TJP2: variants seen among roughly 807,000 people sequenced by gnomAD.
TJP2 encodes the protein Friedreich ataxia region gene X104 (tight junction protein ZO-2).
TJP2 carries 91 observed loss-of-function variants against 133.1 expected under a neutral mutation model. The observed-to-expected ratio is 0.68, with a 90% CI of 0.58 to 0.81. The LOEUF is 0.81. Among genes scored for constraint, TJP2 ranks in the 40% least tolerant of loss-of-function variants. The pLI, the probability that TJP2 is intolerant of heterozygous loss-of-function variation, is 0.00. For missense variants in TJP2, 1,541 were observed against 1,565.6 expected (o/e 0.98, Z 0.26); for synonymous variants, 592 against 583.4 (o/e 1.01, Z -0.21).
At chr9:69,236,302 G>A (rs901106873) in intron 13 of TJP2, 64 bp downstream of exon 13, 39 of 1,536,724 alleles carry the variant, frequency 2.5e-5, no homozygotes, top group South Asian at 7.9e-5. Flanking sequence ...ACTAGAGACC[G>A]CCCCCCTTCC....
In TJP2 at chr9:69,189,844, A is replaced by T. The variant is rs556410466; in HGVS notation, c.60+15412A>T. The stretch of plus-strand genomic sequence containing the variant: ...TCTCCTGGGCCAGGCACGGTGGCTC[A>T]TGCCTGTAATCCCAGCACTTTGGGA... On this transcript the variant is annotated intron_variant, in intron 1 of 22. Coordinates refer to ENST00000377245, the MANE Select transcript of TJP2 (RefSeq NM_004817.4). Among the ~76,000 whole-genome samples, 7 of 111,066 alleles carry T rather than the reference A, an allele frequency of 6.3e-5. 1 individual carries two copies. The highest frequency in any genetic ancestry group is 2.4e-4 in the African/African-American group (7 of 29,700). The allele number at this position is 111,066 out of a possible 152,430, so 72.9% of individuals were successfully genotyped here.
intron 21 of TJP2, among the ~76,000 whole-genome samples, chr9:69,252,021 G>T (rs984028420): frequency 1.3e-5 from 2 of 151,868 alleles, no homozygotes; most frequent in African/African-American, 2.4e-5. Flanking sequence ...TTGAGACAGG[G>T]TCTCCCTCTG....
chr9:69,193,010 G>T (rs1243636271), intron 1 of TJP2, among the ~76,000 whole-genome samples: 2 of 151,106 alleles, frequency 1.3e-5, no homozygotes, highest in Non-Finnish European at 2.9e-5. Context: ...GAGCCTCCTG[G>T]GCTCAAGCTG....
rs1240976570 is a variant in TJP2 at position 69,246,743 on chromosome 9, A to G, written c.2620A>G (p.Thr874Ala). 3 of 1,614,048 alleles carry G rather than the reference A, an allele frequency of 1.9e-6. No individual in the cohort carries two copies. The highest frequency in any genetic ancestry group is 2.2e-5 in the South Asian group (2 of 91,090). ...NDSWFGSLKD[T>A]IQHQQGEAVW... The stretch of plus-strand genomic sequence containing the variant: ...TAGCTGGTTTGGCAGCTTAAAGGAC[A>G]CTATTCAGCATCAGCAAGGAGAAGC... The change falls in exon 18 of 23, where the codon ACT becomes GCT. Residue 874 changes from threonine (T) to alanine (A), a missense_variant. Physicochemically the swap from Thr to Ala is moderately conservative, Grantham distance 58 (BLOSUM62 0). Transcript: ENST00000377245.
At chr9:69,194,812 T>G (rs1490129513) in intron 1 of TJP2, among the ~76,000 whole-genome samples, 1 of 152,154 alleles carries the variant, frequency 6.6e-6, no homozygotes, top group African/African-American at 2.4e-5. Flanking sequence ...GGGCTTGAGA[T>G]TCTGTATTTT....
intron 18 of TJP2, 31 bp from the exon 19 acceptor site, chr9:69,247,981 C>A: frequency 6.4e-7 from 1 of 1,555,164 alleles, no homozygotes; most frequent in Middle Eastern, 1.7e-4. Flanking sequence ...CACATCAGAC[C>A]CCACTGACCG....
chr9:69,218,488 A>G, intron 4 of TJP2, 129 bp downstream of exon 4: 1 of 744,462 alleles, frequency 1.3e-6, no homozygotes. Flanking sequence ...TTGGATCCTC[A>G]GTACTTTTGG....
At chr9:69,203,607 A>ATTT (rs754221310) in intron 1 of TJP2, among the ~76,000 whole-genome samples, 6,059 of 67,562 alleles carry the variant, frequency 0.09, 818 homozygotes, top group Non-Finnish European at 0.12. Context: ...CCCAGCCTGG[A>ATTT]TTTTTTTTTT....
chr9:69,221,658 AT>A (rs1205987545), intron 5 of TJP2, among the ~76,000 whole-genome samples, 162 bp downstream of exon 5: 1 of 145,806 alleles, frequency 6.9e-6, no homozygotes, highest in Non-Finnish European at 1.5e-5. Flanking sequence ...GGTTCAAGTG[AT>A]TCTCCTGCCT....
chr9:69,252,671 C>A (rs1232529349), intron 21 of TJP2, 144 bp from the exon 22 acceptor site: 2 of 774,898 alleles, frequency 2.6e-6, no homozygotes, highest in Non-Finnish European at 4.5e-6. Context: ...AATGAGGAGG[C>A]CGCTTCTGTG....
At chr9:69,222,871 C>G (rs955179139) in intron 5 of TJP2, among the ~76,000 whole-genome samples, 29 of 151,834 alleles carry the variant, frequency 1.9e-4, no homozygotes, top group African/African-American at 7.0e-4. Context: ...GAGTTGGAGA[C>G]CAGCCTGGCC....
intron 1 of TJP2, among the ~76,000 whole-genome samples, chr9:69,127,033 T>C (rs1210941701): frequency 4.1e-5 from 3 of 73,664 alleles, no homozygotes; most frequent in African/African-American, 1.2e-4. Context: ...GGAGTTCAAG[T>C]CCAGCCTGGG....
intron 1 of TJP2, among the ~76,000 whole-genome samples, chr9:69,136,059 C>G (rs1282507462): frequency 6.6e-6 from 1 of 152,094 alleles, no homozygotes; most frequent in Admixed American, 6.5e-5. Flanking sequence ...TTTAGGCTAT[C>G]TCAGAATGCT....
chr9:69,193,338 AAT>A (rs1483242314), intron 1 of TJP2, among the ~76,000 whole-genome samples: 1 of 152,016 alleles, frequency 6.6e-6, no homozygotes, highest in Non-Finnish European at 1.5e-5. Context: ...CCTAGTGGAT[AAT>A]ACATCTGTTA....
In TJP2 at chr9:69,209,387, G is replaced by A. The variant is rs111647400; in HGVS notation, c.61-3161G>A. 5.0e-3 allele frequency among the ~76,000 whole-genome samples: 754 copies of A among 152,256 alleles called. 13 individuals are homozygous for A. Among genetic ancestry groups the A allele is most frequent in the African/African-American group, 0.018 (729 of 41,564 alleles). ...GGCCCCAAGTGATCCACCTGCCTTGGCCTCCCAAAGTGTTGGGATTATAGG... is the reference window on the plus strand; with the variant it reads ...GGCCCCAAGTGATCCACCTGCCTTGACCTCCCAAAGTGTTGGGATTATAGG... On this transcript the variant is annotated intron_variant, in intron 1 of 22. Coordinates refer to ENST00000377245, the MANE Select transcript of TJP2 (RefSeq NM_004817.4).
At chr9:69,194,197 A>G (rs1173918459) in intron 1 of TJP2, among the ~76,000 whole-genome samples, 1 of 131,292 alleles carries the variant, frequency 7.6e-6, no homozygotes, top group Non-Finnish European at 1.7e-5. Flanking sequence ...CTTCCCAGGA[A>G]AAATTTTAGA....
At chr9:69,250,383 C>T (rs147534947) in intron 20 of TJP2, among the ~76,000 whole-genome samples, 2,017 of 152,262 alleles carry the variant, frequency 0.013, 21 homozygotes, top group Middle Eastern at 0.027. Flanking sequence ...GGATTACAGG[C>T]GTGAGCCACT....
rs1164858079 is a variant in TJP2 at position 69,156,002 on chromosome 9, T to C, written c.-10+4231T>C. Among the ~76,000 whole-genome samples, 3 of 152,348 alleles carry C rather than the reference T, an allele frequency of 2.0e-5. No individual in the cohort carries two copies. The East Asian group carries it at 5.8e-4, about 29-fold the overall frequency. On this transcript the variant is annotated intron_variant, in intron 2 of 5. Coordinates refer to the TJP2 transcript ENST00000423935. The stretch of plus-strand genomic sequence containing the variant: ...CTAGGTGAGAAGAAAAGGTTTGTGT[T>C]TGTTCTGAGAATTCCATTGTGACTC...
chr9:69,233,577 A>G (rs758615046), intron 11 of TJP2, among the ~76,000 whole-genome samples: 8 of 152,232 alleles, frequency 5.3e-5, no homozygotes, highest in Non-Finnish European at 1.0e-4. Context: ...GTTCGAGACC[A>G]GCCTGGCCAA....
Sources: allele counts gnomAD v4.1 joint callset (sites outside exome capture counted in the v4.1 genomes callset), GRCh38; gene constraint gnomAD v4.1.1; transcripts MANE v1.5; gene names NCBI Gene and HGNC (gene_info 2026-07-23, HGNC 2026-07-21).